TCN2: variants seen among roughly 807,000 people sequenced by gnomAD.
TCN2 encodes the protein transcobalamin 2.
TCN2 carries 34 observed loss-of-function variants against 48.6 expected under a neutral mutation model. The observed-to-expected ratio is 0.70, with a 90% CI of 0.53 to 0.93. TCN2 has a LOEUF of 0.93. Ranked by LOEUF, TCN2 falls within the 40% of genes least tolerant of loss-of-function variation. TCN2 has a pLI of 0.00. For synonymous variants in TCN2, 283 were observed against 212.5 expected (o/e 1.33, Z -2.89); for missense variants, 652 against 526.1 (o/e 1.24, Z -2.34).
intron 1 of TCN2, among the ~76,000 whole-genome samples, chr22:30,609,821 G>A (rs1332676727): frequency 1.3e-5 from 2 of 152,184 alleles, no homozygotes; most frequent in Non-Finnish European, 2.9e-5. Flanking sequence ...TTTCATGCTG[G>A]TGGATGGTCA....
At chr22:30,626,317 T>TTAGGGAGGTTCCAGCTTCCCACCACC in intron 8 of TCN2, 143 bp from the exon 9 acceptor site, 1 of 830,048 alleles carries the variant, frequency 1.2e-6, no homozygotes, top group African/African-American at 1.7e-5. Flanking sequence ...TGAGCAGGCT[T>TTAGGGAGGTTCCAGCTTCCCACCACC]TAGGGAGGTT....
chr22:30,617,688 TGAGA>T (rs1172370483), intron 7 of TCN2, 193 bp downstream of exon 7: 1 of 745,120 alleles, frequency 1.3e-6, no homozygotes, highest in East Asian at 2.9e-5. Context: ...GCATTGTCAC[TGAGA>T]GAGCAGGCTT....
At chr22:30,616,367 C>T (rs777111064) in intron 6 of TCN2, among the ~76,000 whole-genome samples, 13 of 151,834 alleles carry the variant, frequency 8.6e-5, no homozygotes, top group Non-Finnish European at 1.5e-4. Context: ...CCTGTAACCC[C>T]AGCTAAGCTA....
intron 1 of TCN2, among the ~76,000 whole-genome samples, chr22:30,608,707 A>G (rs1341805980): frequency 6.6e-6 from 1 of 151,982 alleles, no homozygotes; most frequent in Non-Finnish European, 1.5e-5. Context: ...CAAGCCTCTC[A>G]TCTGTGTTCC....
At chr22:30,614,562 T>C in intron 4 of TCN2, 61 bp downstream of exon 4, 1 of 1,607,900 alleles carries the variant, frequency 6.2e-7, no homozygotes, top group South Asian at 1.1e-5. Context: ...AGGTCTGCAC[T>C]GATGACCTCC....
Position 30,611,021 on chromosome 22 carries a change from A to G in TCN2, c.215A>G (p.Tyr72Cys), listed in dbSNP as rs748012975. The G allele has an allele frequency of 2.5e-6, 4 of 1,613,974 alleles. No individual in the cohort carries two copies. In the African/African-American group the frequency reaches 4.0e-5, roughly 16 times the overall value. ...CAGGCTGGGACCAAGGAAGACCTCT[A>G]CCTGCACAGCCTCAAGCTTGGTTAC... ...SLQAGTKEDL[Y>C]LHSLKLGYQQ... is the part of the protein sequence containing the mutation. Residue 72 changes from tyrosine to cysteine, a missense_variant, in exon 2 of 9, where the codon TAC becomes TGC. Physicochemically the swap from Tyr to Cys is radical, Grantham distance 194. Transcript: ENST00000215838.
At chr22:30,622,924 C>CTT (rs2087719312) in intron 7 of TCN2, 44 bp from the exon 8 acceptor site, 1 of 1,596,978 alleles carries the variant, frequency 6.3e-7, no homozygotes, top group East Asian at 2.2e-5. Flanking sequence ...CCCTTAGGGA[C>CTT]AACAGCCACC....
chr22:30,616,872 G>A (rs1488446703), intron 6 of TCN2, among the ~76,000 whole-genome samples: 1 of 152,178 alleles, frequency 6.6e-6, no homozygotes, highest in Admixed American at 6.5e-5. Context: ...GGTGCACAGA[G>A]TTTGGGGGAA....
At chr22:30,611,098 C>T (rs2087534047) in intron 2 of TCN2, 35 bp downstream of exon 2, 1 of 1,613,294 alleles carries the variant, frequency 6.2e-7, no homozygotes, top group South Asian at 1.1e-5. Context: ...TGTCTTGCTC[C>T]ACATACTAAG....
chr22:30,622,927 C>T (rs192876812), intron 7 of TCN2, 41 bp from the exon 8 acceptor site: 17 of 1,600,208 alleles, frequency 1.1e-5, no homozygotes, highest in Non-Finnish European at 1.4e-5. Context: ...TTAGGGACAA[C>T]AGCCACCTCT....
chr22:30,626,737 TTCTG>T lies in TCN2; in HGVS notation c.*217_*220del, dbSNP rs2087816937. The T allele has an allele frequency of 1.6e-6, 1 of 628,356 alleles. No homozygotes were observed. Among genetic ancestry groups the T allele is most frequent in the Non-Finnish European group, 2.8e-6 (1 of 353,040 alleles). 38.9% of individuals were successfully genotyped at this position (628,356 alleles called of 1,614,324 possible). A position where few individuals can be genotyped will look rare whatever the true frequency, so the allele number is the denominator to read the frequency against. On this transcript the variant is annotated 3_prime_UTR_variant, in exon 9 of 9. Transcript: ENST00000215838. Reference sequence around the variant, plus strand: ...GCCAAGCATCTTCCCTGGGAAGTCTTTCTGGCCAAGTCTGGCCAGCCTGGCCCTG... The same window carrying T: ...GCCAAGCATCTTCCCTGGGAAGTCTTGCCAAGTCTGGCCAGCCTGGCCCTG...
Position 30,627,211 on chromosome 22 carries a change from A to G in TCN2, c.*690A>G, listed in dbSNP as rs555328218. ...AATGCCAGCAGTGATGACATTGACTACTGACTGAGCACCCACTACTATGAC... is the reference window on the plus strand; with the variant it reads ...AATGCCAGCAGTGATGACATTGACTGCTGACTGAGCACCCACTACTATGAC... On this transcript the variant is annotated 3_prime_UTR_variant, in exon 9 of 9. Coordinates refer to ENST00000215838, the MANE Select transcript of TCN2 (RefSeq NM_000355.4). The G allele has an allele frequency of 9.9e-5, 16 of 161,658 alleles. No homozygotes were observed. The South Asian group carries it at 2.6e-3, about 26-fold the overall frequency. The allele number at this position is 161,658 out of a possible 1,614,324, so 10.0% of individuals were successfully genotyped here.
At position 30,623,756 on chromosome 22, in the gene TCN2, ATG is replaced by A. The variant is rs1488448923; in HGVS notation, c.1222+675_1222+676del. ...TATACATATATATACACACATATAT[ATG>A]TATATATATATACACACATATATAT... On this transcript the variant is annotated intron_variant, in intron 8 of 8. Coordinates refer to ENST00000215838, the MANE Select transcript of TCN2 (RefSeq NM_000355.4). Among the ~76,000 whole-genome samples, 15 of 75,016 alleles carry A rather than the reference ATG, an allele frequency of 2.0e-4. 5 individuals are homozygous for A. Among genetic ancestry groups the A allele is most frequent in the East Asian group, 3.2e-4 (1 of 3,124 alleles). 49.2% of individuals were successfully genotyped at this position (75,016 alleles called of 152,430 possible).
chr22:30,611,969 G>T (rs2087548555), intron 2 of TCN2, among the ~76,000 whole-genome samples: 1 of 152,124 alleles, frequency 6.6e-6, no homozygotes, highest in Non-Finnish European at 1.5e-5. Context: ...AGGCATAGTG[G>T]CTCATACCTG....
intron 6 of TCN2, 98 bp downstream of exon 6, chr22:30,615,885 T>G: frequency 2.0e-6 from 3 of 1,496,818 alleles, no homozygotes; most frequent in Non-Finnish European, 2.8e-6. Context: ...ATTTGCTGAG[T>G]CAGCACAAGA....
chr22:30,610,138 C>T (rs753715527), intron 1 of TCN2: 12 of 463,324 alleles, frequency 2.6e-5, no homozygotes, highest in Non-Finnish European at 4.0e-5. Flanking sequence ...CGTTGCACAG[C>T]TTCGAATAAA....
chr22:30,624,055 C>CATATATATGTATACATATATAT lies in TCN2; in HGVS notation c.1222+973_1222+974insTATATATGTATACATATATATA, dbSNP rs1569047268. 9.8e-4 allele frequency among the ~76,000 whole-genome samples: 17 copies of CATATATATGTATACATATATAT among 17,414 alleles called. 4 individuals are homozygous for CATATATATGTATACATATATAT. The highest frequency in any genetic ancestry group is 1.5e-3 in the Non-Finnish European group (15 of 9,710). 11.4% of individuals were successfully genotyped at this position (17,414 alleles called of 152,430 possible). On this transcript the variant is annotated intron_variant, in intron 8 of 8. Coordinates refer to ENST00000215838, the MANE Select transcript of TCN2 (RefSeq NM_000355.4). ...ATGTATACATATATACACACACACA[C>CATATATATGTATACATATATAT]ACACACATATATATATATATATATA...
intron 1 of TCN2, 73 bp from the exon 2 acceptor site, chr22:30,610,798 C>G (rs995524829): frequency 6.5e-7 from 1 of 1,544,024 alleles, no homozygotes; most frequent in African/African-American, 1.4e-5. Context: ...GGAGAAGGCC[C>G]TGGTAACGTC....
At chr22:30,614,852 T>G (rs536930008) in intron 4 of TCN2, among the ~76,000 whole-genome samples, 1 of 152,228 alleles carries the variant, frequency 6.6e-6, no homozygotes, top group East Asian at 1.9e-4. Flanking sequence ...GAGGCTGCAG[T>G]GAGTGGAGAT....
Sources: allele counts gnomAD v4.1 joint callset (sites outside exome capture counted in the v4.1 genomes callset), GRCh38; gene constraint gnomAD v4.1.1; transcripts MANE v1.5; gene names NCBI Gene and HGNC (gene_info 2026-07-23, HGNC 2026-07-21).